DOCK10: variants seen among roughly 807,000 people sequenced by gnomAD.
The protein encoded by DOCK10 is dedicator of cytokinesis protein 10.
A neutral mutation model predicts 280.1 loss-of-function variants in DOCK10; 145 were observed. That is an observed-to-expected ratio of 0.52 (90% confidence interval 0.45 to 0.59). DOCK10 has a LOEUF of 0.59. Among genes scored for constraint, DOCK10 ranks in the 20% least tolerant of loss-of-function variants. DOCK10 has a pLI of 0.00. For synonymous variants in DOCK10, 915 were observed against 942.2 expected (o/e 0.97, Z 0.53); for missense variants, 2,368 against 2,651.7 (o/e 0.89, Z 2.35).
chr2:225,006,652 T>C (rs1689264250), intron 1 of DOCK10, among the ~76,000 whole-genome samples: 1 of 152,214 alleles, frequency 6.6e-6, no homozygotes, highest in Non-Finnish European at 1.5e-5. Context: ...CATGAGTTAT[T>C]TGAGTACATC....
At chr2:224,990,529 G>C (rs1174065719) in intron 1 of DOCK10, among the ~76,000 whole-genome samples, 1 of 151,856 alleles carries the variant, frequency 6.6e-6, no homozygotes, top group African/African-American at 2.4e-5. Context: ...TACTGGAAAA[G>C]AGAAAATCTA....
Position 224,841,879 on chromosome 2 carries a change from TGC to T in DOCK10, c.2584_2585del (p.Ala862IlefsTer25), listed in dbSNP as rs1695987007. On this transcript the variant is annotated frameshift_variant, in exon 23 of 56. Coordinates refer to ENST00000258390, the MANE Select transcript of DOCK10 (RefSeq NM_014689.3). LOFTEE classifies it high-confidence loss of function. ...TVNTQDPHVN[A>X]FFQECQKREK... Reference sequence around the variant, plus strand: ...CTCTTTTTTGGCACTCTTGGAAAAATGCATTCACATGTGGATCCTACAACAGC... The same window carrying T: ...CTCTTTTTTGGCACTCTTGGAAAAATATTCACATGTGGATCCTACAACAGC... The T allele has an allele frequency of 1.9e-6, 3 of 1,612,482 alleles. No homozygotes were observed. The highest frequency in any genetic ancestry group is 1.3e-5 in the African/African-American group (1 of 74,902).
chr2:224,972,833 G>A (rs1016219860), intron 1 of DOCK10, among the ~76,000 whole-genome samples: 1 of 152,110 alleles, frequency 6.6e-6, no homozygotes, highest in African/African-American at 2.4e-5. Context: ...AATGATGAAA[G>A]GAAAACAGAA....
At chr2:225,041,009 C>G (rs1011129469) in intron 1 of DOCK10, among the ~76,000 whole-genome samples, 11 of 152,202 alleles carry the variant, frequency 7.2e-5, no homozygotes, top group Admixed American at 6.5e-4. Context: ...AGAGAAGGCA[C>G]CCTGGCCACC....
intron 53 of DOCK10, among the ~76,000 whole-genome samples, chr2:224,772,113 G>T (rs987634767): frequency 7.9e-5 from 12 of 151,780 alleles, no homozygotes; most frequent in African/African-American, 2.7e-4. Context: ...TAGAGGTGGG[G>T]TTTCACCTTG....
intron 50 of DOCK10, among the ~76,000 whole-genome samples, chr2:224,780,023 T>C (rs902499321): frequency 6.6e-6 from 1 of 152,188 alleles, no homozygotes; most frequent in African/African-American, 2.4e-5. Flanking sequence ...GAAAGAGTTC[T>C]TAAAGGGCAC....
intron 1 of DOCK10, among the ~76,000 whole-genome samples, chr2:225,041,083 C>G (rs2106152663): frequency 6.6e-6 from 1 of 152,290 alleles, no homozygotes; most frequent in East Asian, 1.9e-4. Context: ...GATGCCTCTT[C>G]CCTCTGCCAG....
At chr2:224,941,540 C>T (rs371815664) in intron 1 of DOCK10, among the ~76,000 whole-genome samples, 185 of 152,104 alleles carry the variant, frequency 1.2e-3, no homozygotes, top group African/African-American at 4.3e-3. Context: ...CGAAAGAGGA[C>T]CAGGCCGGGC....
intron 1 of DOCK10, among the ~76,000 whole-genome samples, chr2:224,939,230 C>A (rs1445019197): frequency 6.6e-6 from 1 of 152,188 alleles, no homozygotes; most frequent in Non-Finnish European, 1.5e-5. Context: ...TCAACACACA[C>A]ATTATCGTTA....
chr2:224,860,996 A>G (rs1697464092), intron 14 of DOCK10: 1 of 152,198 alleles, frequency 6.6e-6, no homozygotes, highest in African/African-American at 2.4e-5. Context: ...TAATTTTGTT[A>G]TACTGGAATA....
chr2:224,909,203 C>T (rs1559731349), intron 3 of DOCK10, among the ~76,000 whole-genome samples: 1 of 152,198 alleles, frequency 6.6e-6, no homozygotes, highest in Non-Finnish European at 1.5e-5. Context: ...AGGAAGTTTG[C>T]ATCCTATTTC....
intron 25 of DOCK10, among the ~76,000 whole-genome samples, chr2:224,837,015 T>C (rs1427686587): frequency 6.6e-6 from 1 of 152,192 alleles, no homozygotes; most frequent in East Asian, 1.9e-4. Context: ...AGATTTAATC[T>C]ATGCATAGGA....
intron 26 of DOCK10, 47 bp from the exon 27 acceptor site, chr2:224,830,659 A>G: frequency 8.5e-7 from 1 of 1,173,296 alleles, no homozygotes; most frequent in Non-Finnish European, 1.2e-6. Flanking sequence ...CCTATGGCAA[A>G]ATAATGATAA....
chr2:224,886,480 A>C lies in DOCK10; in HGVS notation c.468T>G (p.His156Gln), dbSNP rs987021034. Residue 156 changes from histidine to glutamine, a missense_variant, in exon 5 of 56, where the codon CAT (histidine) becomes CAG (glutamine). Transcript: ENST00000258390. ...TTACTTCATCCTTATCAGCATCTTC[A>C]TGGTCAATCTCAAAGGAATGTGAAG... Reference protein sequence around the residue: ...KLPSHSFEIDHEDADKDEDTT... With the variant: ...KLPSHSFEIDQEDADKDEDTT... 3 of 1,611,038 alleles carry C rather than the reference A, an allele frequency of 1.9e-6. No homozygotes were observed. The highest frequency in any genetic ancestry group is 2.5e-6 in the Non-Finnish European group (3 of 1,179,026).
At chr2:224,929,226 A>G (rs1702194087) in intron 2 of DOCK10, among the ~76,000 whole-genome samples, 1 of 152,196 alleles carries the variant, frequency 6.6e-6, no homozygotes, top group African/African-American at 2.4e-5. Context: ...TTTGTTTGGA[A>G]TAAGTAAATC....
At chr2:224,871,350 C>G (rs1438514782) in intron 11 of DOCK10, among the ~76,000 whole-genome samples, 1 of 151,932 alleles carries the variant, frequency 6.6e-6, no homozygotes, top group Admixed American at 6.6e-5. Flanking sequence ...ATATCCAATA[C>G]ATTAGGAAAG....
At chr2:225,024,399 G>C (rs1416055232) in intron 1 of DOCK10, among the ~76,000 whole-genome samples, 1 of 152,104 alleles carries the variant, frequency 6.6e-6, no homozygotes, top group African/African-American at 2.4e-5. Context: ...ATTCACAGAT[G>C]TTTAAAAAGA....
At position 224,946,802 on chromosome 2, in the gene DOCK10, T is replaced by C. The variant is rs1703446032; in HGVS notation, c.124-15134A>G. The C allele has an allele frequency of 2.1e-6, 3 of 1,421,706 alleles. No individual in the cohort carries two copies. The African/African-American group carries it at 4.4e-5, about 21-fold the overall frequency. The allele number at this position is 1,421,706 out of a possible 1,614,324, so 88.1% of individuals were successfully genotyped here. A position where few individuals can be genotyped will look rare whatever the true frequency, so the allele number is the denominator to read the frequency against. ...AGCTAATCATTTTTGAAAGAAAGGA[T>C]TGAAGGAAAGATGGAAAGCAAAACA... On this transcript the variant is annotated intron_variant, in intron 1 of 55. Transcript: ENST00000258390.
At chr2:224,960,830 C>T (rs534089061) in intron 1 of DOCK10, among the ~76,000 whole-genome samples, 1 of 148,974 alleles carries the variant, frequency 6.7e-6, no homozygotes, top group South Asian at 2.1e-4. Context: ...AGCTCCGCCT[C>T]CCGGGTTCAC....
Sources: allele counts gnomAD v4.1 joint callset (sites outside exome capture counted in the v4.1 genomes callset), GRCh38; gene constraint gnomAD v4.1.1; transcripts MANE v1.5; gene names NCBI Gene and HGNC (gene_info 2026-07-23, HGNC 2026-07-21).